PDE4B: variants seen among roughly 807,000 people sequenced by gnomAD.
PDE4B encodes the protein phosphodiesterase 4B, also known as 3',5'-cyclic-AMP phosphodiesterase 4B.
A neutral mutation model predicts 82.2 loss-of-function variants in PDE4B; 20 were observed. The observed-to-expected ratio is 0.24, with a 90% CI of 0.17 to 0.35. PDE4B has a LOEUF of 0.35. Among genes scored for constraint, PDE4B ranks in the 10% least tolerant of loss-of-function variants. PDE4B has a pLI of 1.00. For missense variants in PDE4B, 655 were observed against 907.2 expected (o/e 0.72, Z 3.57); for synonymous variants, 320 against 318.9 (o/e 1.00, Z -0.04).
intron 3 of PDE4B, among the ~76,000 whole-genome samples, chr1:65,940,671 G>C (rs535252561): frequency 4.6e-5 from 7 of 152,190 alleles, no homozygotes; most frequent in Non-Finnish European, 1.0e-4. Flanking sequence ...AATCAATCAT[G>C]CTTTTTGCTT....
chr1:66,235,869 C>A (rs1652382993), intron 3 of PDE4B, among the ~76,000 whole-genome samples: 4 of 152,152 alleles, frequency 2.6e-5, no homozygotes, highest in African/African-American at 9.7e-5. Flanking sequence ...GTTCAGAGAG[C>A]AGCATTCCAC....
At chr1:65,943,809 G>A (rs1032746971) in intron 3 of PDE4B, among the ~76,000 whole-genome samples, 1 of 151,878 alleles carries the variant, frequency 6.6e-6, no homozygotes, top group African/African-American at 2.4e-5. Context: ...TTAGTATATA[G>A]AAATGCTACT....
At chr1:65,808,467 G>C (rs1246947150) in intron 1 of PDE4B, among the ~76,000 whole-genome samples, 13 of 152,202 alleles carry the variant, frequency 8.5e-5, no homozygotes, top group South Asian at 2.1e-4. Flanking sequence ...ATTATCCTCA[G>C]CTGGAAGAGC....
At chr1:66,162,016 T>G (rs1646623006) in intron 3 of PDE4B, among the ~76,000 whole-genome samples, 2 of 152,156 alleles carry the variant, frequency 1.3e-5, no homozygotes, top group Non-Finnish European at 2.9e-5. Flanking sequence ...TATGAAGCCC[T>G]TAGCACTCAT....
At chr1:66,055,013 C>T (rs151291888) in intron 3 of PDE4B, among the ~76,000 whole-genome samples, 67 of 152,204 alleles carry the variant, frequency 4.4e-4, no homozygotes, top group African/African-American at 1.5e-3. Context: ...AGTCAAACTG[C>T]GTTTTAAAGA....
At chr1:66,250,789 A>G (rs1036545657) in intron 4 of PDE4B, among the ~76,000 whole-genome samples, 6 of 152,224 alleles carry the variant, frequency 3.9e-5, no homozygotes, top group African/African-American at 1.4e-4. Context: ...AGGAACCACC[A>G]TGGACAGAAT....
chr1:66,299,833 C>T (rs538926137), intron 7 of PDE4B, among the ~76,000 whole-genome samples: 1 of 152,148 alleles, frequency 6.6e-6, no homozygotes, highest in African/African-American at 2.4e-5. Flanking sequence ...ACCTTCTATG[C>T]CTAATGTGTT....
At chr1:66,216,771 C>T (rs1012084327) in intron 3 of PDE4B, among the ~76,000 whole-genome samples, 1 of 152,054 alleles carries the variant, frequency 6.6e-6, no homozygotes, top group East Asian at 1.9e-4. Flanking sequence ...AGAAACAACT[C>T]GTTTCAGGCA....
intron 3 of PDE4B, among the ~76,000 whole-genome samples, chr1:66,064,248 G>C (rs1329398974): frequency 6.6e-6 from 1 of 151,856 alleles, no homozygotes; most frequent in Non-Finnish European, 1.5e-5. Flanking sequence ...CAAGGTAAGG[G>C]ACAAAGCCAG....
chr1:66,237,986 G>C (rs1024760095), intron 3 of PDE4B, among the ~76,000 whole-genome samples: 21 of 152,044 alleles, frequency 1.4e-4, no homozygotes, highest in African/African-American at 4.8e-4. Context: ...AATAAATATA[G>C]CAAAAAGCTT....
intron 7 of PDE4B, among the ~76,000 whole-genome samples, chr1:66,307,788 G>C (rs910902384): frequency 6.6e-6 from 1 of 151,964 alleles, no homozygotes; most frequent in African/African-American, 2.4e-5. Context: ...TTTTTTTGTT[G>C]TTGCTGTTGT....
chr1:66,222,291 C>T (rs1651053841), intron 3 of PDE4B, among the ~76,000 whole-genome samples: 1 of 152,210 alleles, frequency 6.6e-6, no homozygotes, highest in South Asian at 2.1e-4. Flanking sequence ...AGGACTTAAT[C>T]ACATGGCTAC....
chr1:65,976,385 G>A (rs1335552348), intron 3 of PDE4B, among the ~76,000 whole-genome samples: 1 of 152,176 alleles, frequency 6.6e-6, no homozygotes, highest in African/African-American at 2.4e-5. Flanking sequence ...ATTAACTTGT[G>A]TTTGATTTTA....
At position 66,139,720 on chromosome 1, in the gene PDE4B, T is replaced by C. The variant is rs148224818; in HGVS notation, c.282-107740T>C. ...TTACTCAGAATAGCCACTTAAATAA[T>C]TCCCCCTCCCCCCTCAAAAAAAAAA... On this transcript the variant is annotated intron_variant, in intron 3 of 16. Transcript: ENST00000341517. 6.1e-3 allele frequency among the ~76,000 whole-genome samples: 728 copies of C among 120,218 alleles called. 6 individuals are homozygous for C. Among genetic ancestry groups the C allele is most frequent in the African/African-American group, 0.024 (693 of 28,608 alleles). The allele number at this position is 120,218 out of a possible 152,430, so 78.9% of individuals were successfully genotyped here.
chr1:65,896,769 T>C (rs1424432719), intron 1 of PDE4B, among the ~76,000 whole-genome samples: 3 of 152,190 alleles, frequency 2.0e-5, no homozygotes, highest in African/African-American at 7.2e-5. Flanking sequence ...TTATGATTCG[T>C]CCTTTTGTGG....
intron 3 of PDE4B, among the ~76,000 whole-genome samples, chr1:66,004,513 G>A (rs1176135924): frequency 6.6e-6 from 1 of 152,016 alleles, no homozygotes; most frequent in Non-Finnish European, 1.5e-5. Context: ...ATTCCAAATT[G>A]CAGATTTTGA....
At chr1:66,221,887 T>C (rs1333964448) in intron 3 of PDE4B, among the ~76,000 whole-genome samples, 1 of 75,556 alleles carries the variant, frequency 1.3e-5, no homozygotes, top group Non-Finnish European at 2.7e-5. Flanking sequence ...AGGTACTGAG[T>C]GTATTGACTT....
intron 3 of PDE4B, among the ~76,000 whole-genome samples, chr1:65,956,312 G>T (rs1649257638): frequency 6.6e-6 from 1 of 152,070 alleles, no homozygotes; most frequent in East Asian, 1.9e-4. Context: ...TTTAATTCAG[G>T]AAACAAAAGG....
intron 3 of PDE4B, among the ~76,000 whole-genome samples, chr1:65,992,147 A>G (rs535173918): frequency 1.3e-5 from 2 of 152,300 alleles, no homozygotes; most frequent in East Asian, 1.9e-4. Flanking sequence ...AGGAAAAAAA[A>G]ACTTCAGCAA....
Sources: gnomAD v4.1 joint callset for allele counts (sites outside exome capture counted in the v4.1 genomes callset) on GRCh38, gnomAD v4.1.1 for gene constraint, MANE v1.5 for transcripts, NCBI Gene and HGNC (gene_info 2026-07-23, HGNC 2026-07-21) for gene names.